Variants in ESR1 observed in about 807,000 individuals in gnomAD.
ESR1 encodes estrogen receptor.
Under a neutral mutation model 52.7 loss-of-function variants are expected in ESR1, and 12 were observed. The ratio of observed to expected loss-of-function variants is 0.23; its 90% confidence interval spans 0.15 to 0.37. The LOEUF (loss-of-function observed/expected upper bound fraction) is 0.37. Ranked by LOEUF, ESR1 falls within the 10% of genes least tolerant of loss-of-function variation. The probability of loss-of-function intolerance (pLI) is 1.00; values close to 1 mark genes in which losing one functional copy is unlikely to be tolerated. For missense variants in ESR1, 584 were observed against 779.7 expected (o/e 0.75, Z 2.99); for synonymous variants, 305 against 316.8 (o/e 0.96, Z 0.39).
intron 5 of ESR1, among the ~76,000 whole-genome samples, chr6:152,030,039 C>A (rs557183464): frequency 6.6e-6 from 1 of 152,126 alleles, no homozygotes; most frequent in Admixed American, 6.5e-5. Flanking sequence ...TCCAGCCAAA[C>A]TAAGCTTCAT....
At chr6:151,707,557 T>C (rs1026815785) in intron 2 of ESR1, among the ~76,000 whole-genome samples, 4 of 152,086 alleles carry the variant, frequency 2.6e-5, no homozygotes, top group African/African-American at 9.7e-5. Flanking sequence ...TGTTGTATCT[T>C]GTAGATTTTA....
chr6:151,994,899 G>A (rs2041341031), intron 4 of ESR1, among the ~76,000 whole-genome samples: 1 of 152,092 alleles, frequency 6.6e-6, no homozygotes, highest in Non-Finnish European at 1.5e-5. Context: ...AATTTCCAAG[G>A]CAGGCGTTTT....
chr6:151,801,186 A>T (rs1245411597), upstream of ESR1, among the ~76,000 whole-genome samples: 1 of 152,114 alleles, frequency 6.6e-6, no homozygotes, highest in African/African-American at 2.4e-5. Flanking sequence ...GCTGGCAATG[A>T]AATTCCTCAA....
At chr6:151,969,469 G>A (rs2038671283) in intron 4 of ESR1, among the ~76,000 whole-genome samples, 1 of 152,326 alleles carries the variant, frequency 6.6e-6, no homozygotes, top group East Asian at 1.9e-4. Context: ...GAATGTGTGT[G>A]TGTGTGTGCA....
At chr6:151,829,316 A>C (rs1782005218) in intron 1 of ESR1, among the ~76,000 whole-genome samples, 1 of 152,244 alleles carries the variant, frequency 6.6e-6, no homozygotes, top group African/African-American at 2.4e-5. Context: ...AACAAAGAAT[A>C]TGTCAGATAT....
intron 6 of ESR1, among the ~76,000 whole-genome samples, chr6:152,119,892 T>C (rs1159190020): frequency 6.6e-6 from 1 of 152,200 alleles, no homozygotes; most frequent in East Asian, 1.9e-4. Flanking sequence ...CACGACCTCA[T>C]GGGTTCAATG....
At chr6:151,791,893 T>A (rs148652901) in intron 2 of ESR1, among the ~76,000 whole-genome samples, 1 of 152,358 alleles carries the variant, frequency 6.6e-6, no homozygotes, top group East Asian at 1.9e-4. Flanking sequence ...AATAATCTTA[T>A]CCGTTTATTC....
At chr6:151,944,091 C>A (rs2128524918) in intron 3 of ESR1, 82 bp from the exon 4 acceptor site, 1 of 1,180,006 alleles carries the variant, frequency 8.5e-7, no homozygotes, top group Non-Finnish European at 1.2e-6. Flanking sequence ...AAAATGAAAG[C>A]TGGTTAGCTT....
At chr6:151,829,293 A>G (rs1218896084) in intron 1 of ESR1, among the ~76,000 whole-genome samples, 1 of 152,188 alleles carries the variant, frequency 6.6e-6, no homozygotes, top group African/African-American at 2.4e-5. Flanking sequence ...ATCATTACTG[A>G]TAGTGTTCGT....
intron 1 of ESR1, among the ~76,000 whole-genome samples, chr6:151,824,347 A>T (rs1397123843): frequency 6.6e-6 from 1 of 151,716 alleles, no homozygotes; most frequent in Non-Finnish European, 1.5e-5. Flanking sequence ...AATTTGTTTG[A>T]GTTCTTTGTA....
chr6:151,693,204 C>G (rs1779078085), intron 1 of ESR1, among the ~76,000 whole-genome samples: 1 of 152,170 alleles, frequency 6.6e-6, no homozygotes, highest in Non-Finnish European at 1.5e-5. Flanking sequence ...GAAGTTATTT[C>G]TATTCTAAGC....
At chr6:151,745,720 T>A (rs1367427105) in intron 2 of ESR1, among the ~76,000 whole-genome samples, 1 of 152,140 alleles carries the variant, frequency 6.6e-6, no homozygotes, top group African/African-American at 2.4e-5. Context: ...CTAGAAGTCA[T>A]TAATTTAAAA....
chr6:151,999,387 C>T (rs908221174), intron 4 of ESR1, among the ~76,000 whole-genome samples: 6 of 152,008 alleles, frequency 3.9e-5, no homozygotes, highest in African/African-American at 1.4e-4. Flanking sequence ...GAGTCATCAT[C>T]GACAGTGAGT....
At chr6:151,973,626 C>G (rs1562617195) in intron 4 of ESR1, among the ~76,000 whole-genome samples, 1 of 152,168 alleles carries the variant, frequency 6.6e-6, no homozygotes, top group Non-Finnish European at 1.5e-5. Flanking sequence ...CTTTTCTGTC[C>G]TGATGTGTTC....
intron 2 of ESR1, among the ~76,000 whole-genome samples, chr6:151,849,225 T>C (rs1207561026): frequency 1.3e-5 from 2 of 152,196 alleles, no homozygotes; most frequent in African/African-American, 4.8e-5. Flanking sequence ...TCAGGTACCG[T>C]GCAAACTTGG....
chr6:152,058,030 C>T (rs1449596988), intron 5 of ESR1, among the ~76,000 whole-genome samples: 6 of 152,176 alleles, frequency 3.9e-5, no homozygotes, highest in Admixed American at 3.9e-4. Flanking sequence ...TGAACACAGG[C>T]TCCCTCCCAC....
intron 2 of ESR1, among the ~76,000 whole-genome samples, chr6:151,708,812 G>A (rs984397636): frequency 3.3e-5 from 5 of 151,842 alleles, no homozygotes; most frequent in African/African-American, 1.2e-4. Flanking sequence ...TTTAAAAACT[G>A]GCAGATAAAG....
At chr6:151,801,028 G>A (rs1276995213), upstream of ESR1, among the ~76,000 whole-genome samples, 1 of 147,930 alleles carries the variant, frequency 6.8e-6, no homozygotes, top group African/African-American at 2.5e-5. Flanking sequence ...CTGAAATTGG[G>A]GATGGTTCTT....
Position 152,041,877 on chromosome 6 carries a change from C to T in ESR1, c.1236-19114C>T, listed in dbSNP as rs2045830722. Among the ~76,000 whole-genome samples the T allele has an allele frequency of 2.0e-5, 3 of 152,340 alleles. No homozygotes were observed. In the South Asian group the frequency reaches 6.2e-4, roughly 32 times the overall value. On this transcript the variant is annotated intron_variant, in intron 5 of 7. Transcript: ENST00000206249. ...AAGCCATTTGCCAAATCAATGGTTG[C>T]ATACCAGGTACCAGGAGATGTGTTA...
Sources: gnomAD v4.1 joint callset for allele counts (sites outside exome capture counted in the v4.1 genomes callset) on GRCh38, gnomAD v4.1.1 for gene constraint, MANE v1.5 for transcripts, NCBI Gene and HGNC (gene_info 2026-07-23, HGNC 2026-07-21) for gene names.